The following ARL14EPL variants were observed in gnomAD, a reference collection of about 807,000 sequenced individuals.
The protein encoded by ARL14EPL is ARF like GTPase 14 effector protein like.
In ARL14EPL, 17 loss-of-function variants were observed where a neutral mutation model predicts 15.9. The observed-to-expected ratio is 1.07, with a 90% CI of 0.73 to 1.60. The LOEUF (loss-of-function observed/expected upper bound fraction) is 1.60. Ranked by LOEUF, ARL14EPL falls within the 40% of genes most tolerant of loss-of-function variation. The pLI is 0.00. For synonymous variants in ARL14EPL, 78 were observed against 63.8 expected, an observed-to-expected ratio of 1.22 and a Z score of -1.06; for missense variants, 214 against 185.9, an observed-to-expected ratio of 1.15 and a Z score of -0.88.
intron 1 of ARL14EPL, among the ~76,000 whole-genome samples, chr5:116,036,464 C>A (rs1262439897): frequency 2.0e-5 from 3 of 152,166 alleles, no homozygotes; most frequent in African/African-American, 7.2e-5. Flanking sequence ...TGGACTCGTT[C>A]TGACAAGAAA....
intron 3 of ARL14EPL, among the ~76,000 whole-genome samples, chr5:116,054,927 C>T (rs1450925481): frequency 1.3e-5 from 2 of 151,304 alleles, no homozygotes; most frequent in South Asian, 2.1e-4. Context: ...TTAATATGCC[C>T]ATTAAAAACT....
chr5:116,041,331 A>G (rs1749154027), intron 1 of ARL14EPL, among the ~76,000 whole-genome samples: 1 of 152,222 alleles, frequency 6.6e-6, no homozygotes, highest in Non-Finnish European at 1.5e-5. Flanking sequence ...ATGTAAAAAT[A>G]TATGTATTTA....
At chr5:116,049,992 A>T (rs768349456) in intron 1 of ARL14EPL, among the ~76,000 whole-genome samples, 4 of 152,222 alleles carry the variant, frequency 2.6e-5, no homozygotes, top group Non-Finnish European at 5.9e-5. Flanking sequence ...TGAGCCTTTA[A>T]TGTGTTTATT....
intron 1 of ARL14EPL, among the ~76,000 whole-genome samples, chr5:116,033,093 C>G (rs570431647): frequency 2.0e-5 from 3 of 152,112 alleles, no homozygotes; most frequent in Admixed American, 6.6e-5. Context: ...GCCCCCACAC[C>G]CGGCCTATAG....
At chr5:116,034,022 G>A (rs1034050133) in intron 1 of ARL14EPL, among the ~76,000 whole-genome samples, 1 of 152,142 alleles carries the variant, frequency 6.6e-6, no homozygotes, top group Non-Finnish European at 1.5e-5. Flanking sequence ...CTGCTCTCAG[G>A]TTTCTACTGA....
intron 1 of ARL14EPL, among the ~76,000 whole-genome samples, chr5:116,046,476 A>G (rs1378123050): frequency 1.3e-5 from 2 of 152,188 alleles, no homozygotes; most frequent in Non-Finnish European, 2.9e-5. Flanking sequence ...GTGTCGCTCA[A>G]TGACCTGTGC....
chr5:116,050,768 T>C (rs1014516210), intron 1 of ARL14EPL, among the ~76,000 whole-genome samples: 1 of 148,420 alleles, frequency 6.7e-6, no homozygotes, highest in African/African-American at 2.5e-5. Flanking sequence ...ATTACCATAT[T>C]GTATGGGCTC....
chr5:116,036,989 TG>T (rs1749060374), intron 1 of ARL14EPL, among the ~76,000 whole-genome samples: 1 of 152,188 alleles, frequency 6.6e-6, no homozygotes, highest in Admixed American at 6.5e-5. Context: ...TCTCCTCCTC[TG>T]AGCAGCCCTT....
At chr5:116,033,430 T>C (rs1286381664) in intron 1 of ARL14EPL, among the ~76,000 whole-genome samples, 2 of 152,202 alleles carry the variant, frequency 1.3e-5, no homozygotes, top group African/African-American at 2.4e-5. Flanking sequence ...ACATTTGAGG[T>C]AGACTATGCT....
At chr5:116,033,251 A>T (rs908798479) in intron 1 of ARL14EPL, among the ~76,000 whole-genome samples, 1 of 152,200 alleles carries the variant, frequency 6.6e-6, no homozygotes, top group Non-Finnish European at 1.5e-5. Context: ...TGCAAAAGTG[A>T]TACAAATTCA....
chr5:116,058,883 A>G lies in ARL14EPL; in HGVS notation c.395A>G (p.Tyr132Cys). ...TGCCGCTGCAACCGACGGTGGGTTTACGATGCCATCGTCACTGAGTCAGGA... is the reference window on the plus strand; with the variant it reads ...TGCCGCTGCAACCGACGGTGGGTTTGCGATGCCATCGTCACTGAGTCAGGA... ...PECRCNRRWV[Y>C]DAIVTESGEV... Residue 132 changes from tyrosine (Y) to cysteine (C), a missense_variant, in exon 4 of 4, where the codon TAC (tyrosine) becomes TGC (cysteine). By Grantham distance (194) the Tyr-to-Cys change is radical. Transcript: ENST00000686077. 1.3e-6 allele frequency: 2 copies of G among 1,536,086 alleles called. No homozygotes were observed. The highest frequency in any genetic ancestry group is 1.7e-6 in the Non-Finnish European group (2 of 1,146,902).
chr5:116,046,031 G>C (rs534857714), intron 1 of ARL14EPL, among the ~76,000 whole-genome samples: 5 of 152,102 alleles, frequency 3.3e-5, no homozygotes, highest in Non-Finnish European at 5.9e-5. Context: ...CTGCACAGGC[G>C]TCCTTTCTCT....
At chr5:116,051,103 C>T (rs2560702) in intron 1 of ARL14EPL, 120,356 of 173,534 alleles carry the variant, frequency 0.69, 43,631 homozygotes, top group Middle Eastern at 0.83. Context: ...GTACATATGG[C>T]ATTAACGTAT....
intron 1 of ARL14EPL, among the ~76,000 whole-genome samples, chr5:116,038,244 T>A (rs1027165428): frequency 1.3e-5 from 2 of 152,186 alleles, no homozygotes; most frequent in African/African-American, 4.8e-5. Context: ...GCCATAGAAA[T>A]GAAGAGTCAT....
At chr5:116,041,733 C>T (rs745409598) in intron 1 of ARL14EPL, among the ~76,000 whole-genome samples, 2 of 152,216 alleles carry the variant, frequency 1.3e-5, no homozygotes, top group Non-Finnish European at 2.9e-5. Flanking sequence ...CAGCTCCATT[C>T]ACTTAGAATG....
At chr5:116,054,767 G>T (rs1056577505) in intron 3 of ARL14EPL, among the ~76,000 whole-genome samples, 2 of 152,094 alleles carry the variant, frequency 1.3e-5, no homozygotes, top group African/African-American at 4.8e-5. Context: ...GGAGGCGGAG[G>T]TTGCAGTGAG....
chr5:116,046,942 G>A (rs373879499), intron 1 of ARL14EPL, among the ~76,000 whole-genome samples: 1 of 152,108 alleles, frequency 6.6e-6, no homozygotes, highest in Non-Finnish European at 1.5e-5. Context: ...TCTTGTAAGA[G>A]GAAAACAGCC....
chr5:116,042,346 G>T (rs949292718), intron 1 of ARL14EPL, among the ~76,000 whole-genome samples: 2 of 152,200 alleles, frequency 1.3e-5, no homozygotes, highest in African/African-American at 2.4e-5. Context: ...GGCTCATTAA[G>T]AAGTATTTAT....
chr5:116,040,975 C>G, intron 1 of ARL14EPL, among the ~76,000 whole-genome samples: 1 of 9,190 alleles, frequency 1.1e-4, no homozygotes, highest in Admixed American at 1.2e-3. Flanking sequence ...ACGAGATTCC[C>G]TCTCAAAAAA....
Sources: allele counts gnomAD v4.1 joint callset (sites outside exome capture counted in the v4.1 genomes callset), GRCh38; gene constraint gnomAD v4.1.1; transcripts MANE v1.5; gene names NCBI Gene and HGNC (gene_info 2026-07-23, HGNC 2026-07-21).